The following LYG1 variants were observed in gnomAD, a reference collection of about 807,000 sequenced individuals.
The protein encoded by LYG1 is lysozyme g-like protein 1.
A neutral mutation model predicts 21.7 loss-of-function variants in LYG1; 17 were observed. The observed-to-expected ratio is 0.78, with a 90% confidence interval of 0.54 to 1.18. The LOEUF is 1.18. Among genes scored for constraint, LYG1 ranks in the 50% most tolerant of loss-of-function variants. The pLI, the probability that LYG1 is intolerant of heterozygous loss-of-function variation, is 0.00. For synonymous variants in LYG1, 81 were observed against 87.4 expected (o/e 0.93, Z 0.41); for missense variants, 211 against 238.1 (o/e 0.89, Z 0.75).
At position 99,293,240 on chromosome 2, in the gene LYG1, C is replaced by G. The variant is rs554980151; in HGVS notation, c.44-600G>C. Among the ~76,000 whole-genome samples, 49 of 152,280 alleles carry G rather than the reference C, an allele frequency of 3.2e-4. 3 individuals carry two copies. Among genetic ancestry groups the G allele is most frequent in the African/African-American group, 1.2e-3 (48 of 41,562 alleles). On this transcript the variant is annotated intron_variant, in intron 3 of 6. Coordinates refer to ENST00000308528, the MANE Select transcript of LYG1 (RefSeq NM_174898.3). ...CTCTTGACCTCAAGTGATCCGCCCG[C>G]CTCGGCCTCCCAAAGTGCTGGGATC...
At chr2:99,300,478 C>T (rs1361279339) in intron 1 of LYG1, among the ~76,000 whole-genome samples, 61 of 152,212 alleles carry the variant, frequency 4.0e-4, no homozygotes, top group Non-Finnish European at 8.8e-5. Flanking sequence ...CCCTCTGTTC[C>T]GTCTATGGAC....
rs1248774776 is a variant in LYG1, at chr2:99,284,692, C to G, written c.462G>C (p.Leu154=). 9 of 1,614,124 alleles carry G rather than the reference C, an allele frequency of 5.6e-6. No individual in the cohort carries two copies. In the South Asian group the frequency reaches 8.8e-5, roughly 16 times the overall value. ...GACTGATAGCGTTACACGTACCTCT[C>G]AGGTACTGGTCAGGGGTCCAGGTTG... The part of the protein sequence containing the change: ...RFPTWTPDQY[L]RGGLCAYSGG... Residue 154 remains leucine (L), a synonymous_variant, in exon 6 of 7, where the codon CTG becomes CTC. Coordinates refer to ENST00000308528, the MANE Select transcript of LYG1 (RefSeq NM_174898.3).
At chr2:99,303,412 C>T (rs1428440371), upstream of LYG1, among the ~76,000 whole-genome samples, 1 of 152,080 alleles carries the variant, frequency 6.6e-6, no homozygotes, top group East Asian at 1.9e-4. Context: ...GGGCAGCAGC[C>T]AGCATGTTGC....
At chr2:99,291,032 C>T (rs762598598) in intron 5 of LYG1, among the ~76,000 whole-genome samples, 20 of 152,152 alleles carry the variant, frequency 1.3e-4, no homozygotes, top group African/African-American at 3.9e-4. Flanking sequence ...TCTGGAAACA[C>T]GGCATTATTT....
intron 2 of LYG1, among the ~76,000 whole-genome samples, chr2:99,297,751 G>T (rs2094141118): frequency 6.6e-6 from 1 of 152,112 alleles, no homozygotes. Context: ...GTTTTACTCT[G>T]TCACCCAGGC....
intron 1 of LYG1, among the ~76,000 whole-genome samples, chr2:99,299,807 A>G (rs2094148941): frequency 6.6e-6 from 1 of 150,882 alleles, no homozygotes; most frequent in African/African-American, 2.4e-5. Flanking sequence ...ATTTTATTCC[A>G]TTTTTAAAAT....
chr2:99,300,441 G>A (rs2094150804), intron 1 of LYG1, among the ~76,000 whole-genome samples: 1 of 152,090 alleles, frequency 6.6e-6, no homozygotes. Flanking sequence ...GTTTCCTTCT[G>A]CACAGAGCAA....
At chr2:99,287,274 A>T (rs2094103020) in intron 5 of LYG1, among the ~76,000 whole-genome samples, 3 of 152,206 alleles carry the variant, frequency 2.0e-5, no homozygotes, top group Admixed American at 2.0e-4. Context: ...CTAACACAGA[A>T]ACAGAAAACC....
At chr2:99,293,195 T>C (rs2094125892) in intron 3 of LYG1, among the ~76,000 whole-genome samples, 1 of 152,112 alleles carries the variant, frequency 6.6e-6, no homozygotes, top group Non-Finnish European at 1.5e-5. Flanking sequence ...TTTCACCATG[T>C]TGGCCAGGCT....
chr2:99,288,086 C>T (rs1038345317), intron 5 of LYG1, among the ~76,000 whole-genome samples: 1 of 151,768 alleles, frequency 6.6e-6, no homozygotes, highest in African/African-American at 2.4e-5. Context: ...TTGAAATTTC[C>T]CATTATGATA....
chr2:99,293,990 T>C (rs1425467293), intron 3 of LYG1, among the ~76,000 whole-genome samples: 1 of 152,168 alleles, frequency 6.6e-6, no homozygotes. Flanking sequence ...GGCATGATCA[T>C]GGCTCACCAC....
intron 5 of LYG1, 109 bp from the exon 6 acceptor site, chr2:99,284,929 C>T: frequency 7.1e-7 from 1 of 1,414,842 alleles, no homozygotes; most frequent in Non-Finnish European, 9.6e-7. Context: ...TCTCCTTTCA[C>T]CTTTGATGGA....
intron 5 of LYG1, among the ~76,000 whole-genome samples, chr2:99,285,932 T>C (rs1368123446): frequency 6.6e-6 from 1 of 152,208 alleles, no homozygotes. Flanking sequence ...CCTTGTGAAA[T>C]TCATGTTGAA....
At chr2:99,299,246 CTTTTCTTTTTGTTTTTTCT>C (rs2094146629) in intron 1 of LYG1, among the ~76,000 whole-genome samples, 2 of 144,890 alleles carry the variant, frequency 1.4e-5, no homozygotes, top group Admixed American at 1.4e-4. Context: ...TTTTCTTTTT[CTTTTCTTTTTGTTTTTTCT>C]TTTTCTTTTT....
At chr2:99,299,298 T>G (rs2094147076) in intron 1 of LYG1, among the ~76,000 whole-genome samples, 1 of 150,626 alleles carries the variant, frequency 6.6e-6, no homozygotes, top group Non-Finnish European at 1.5e-5. Flanking sequence ...TTTTTTTTTT[T>G]TTAATCGAGA....
chr2:99,291,383 G>T lies in LYG1; in HGVS notation c.187C>A (p.Pro63Thr). Residue 63 changes from proline (P) to threonine (T), a missense_variant, in exon 5 of 7, where the codon CCA (proline) becomes ACA (threonine). By Grantham distance (38) the Pro-to-Thr change is conservative. Coordinates refer to ENST00000308528, the MANE Select transcript of LYG1 (RefSeq NM_174898.3). ...ASERLAEIDM[P>T]YLLKYQPMMQ... is the part of the protein sequence containing the mutation. ...ATGGGTTGATATTTCAGGAGGTATGGCATGTCTATTTCAGCCAGCCTTTCA... is the reference window on the plus strand; with the variant it reads ...ATGGGTTGATATTTCAGGAGGTATGTCATGTCTATTTCAGCCAGCCTTTCA... 7.4e-6 allele frequency: 12 copies of T among 1,614,160 alleles called. No individual in the cohort carries two copies. The highest frequency in any genetic ancestry group is 1.3e-5 in the African/African-American group (1 of 75,034).
Position 99,292,548 on chromosome 2 carries a change from G to C in LYG1, c.136C>G (p.Leu46Val). The change falls in exon 4 of 7, where the codon CTG becomes GTG. Residue 46 changes from leucine (L) to valine (V), a missense_variant. Coordinates refer to ENST00000308528, the MANE Select transcript of LYG1 (RefSeq NM_174898.3). ...ASCGIGRRHG[L>V]NYCGVRASER... ...AGCTCATAGCTACCACAGTAGTTCA[G>C]GCCGTGACGTCTTCCAATCCCACAA... The C allele has an allele frequency of 6.2e-7, 1 of 1,613,630 alleles. No homozygotes were observed. Among genetic ancestry groups the C allele is most frequent in the Non-Finnish European group, 8.5e-7 (1 of 1,179,546 alleles).
Position 99,284,435 on chromosome 2 carries a change from A to G in LYG1, c.543T>C (p.Asp181=), listed in dbSNP as rs777188064. 3.7e-6 allele frequency: 6 copies of G among 1,614,110 alleles called. No individual in the cohort carries two copies. The highest frequency in any genetic ancestry group is 3.3e-5 in the Admixed American group (2 of 60,014). The change falls in exon 7 of 7, where the codon GAT becomes GAC. Residue 181 remains aspartate (D), a synonymous_variant. Coordinates refer to ENST00000308528, the MANE Select transcript of LYG1 (RefSeq NM_174898.3). ...SQDLSCDFCN[D]VLARAKYLKR... is the part of the protein sequence containing the mutation. ...TGAGGTACTTGGCTCGTGCAAGGAC[A>G]TCATTGCAGAAGTCACAGCTCAGGT...
At chr2:99,297,893 T>C (rs1245095230) in intron 2 of LYG1, among the ~76,000 whole-genome samples, 1 of 152,152 alleles carries the variant, frequency 6.6e-6, no homozygotes, top group Non-Finnish European at 1.5e-5. Context: ...TTTTTAGTTT[T>C]TATGTAGAAA....
Sources: gnomAD v4.1 joint callset for allele counts (sites outside exome capture counted in the v4.1 genomes callset) on GRCh38, gnomAD v4.1.1 for gene constraint, MANE v1.5 for transcripts, NCBI Gene and HGNC (gene_info 2026-07-23, HGNC 2026-07-21) for gene names.